Variants in FBXO15 observed in about 807,000 individuals in gnomAD.
FBXO15 encodes F-box protein 15, also known as F-box only protein 15.
FBXO15 carries 30 observed loss-of-function variants against 49.5 expected under a neutral mutation model. The ratio of observed to expected loss-of-function variants is 0.61; its 90% CI spans 0.45 to 0.82. The LOEUF is 0.82. Among genes scored for constraint, FBXO15 ranks in the 40% least tolerant of loss-of-function variants. FBXO15 has a pLI of 0.00. For synonymous variants in FBXO15, 250 were observed against 232.7 expected (o/e 1.07, Z -0.68); for missense variants, 591 against 631.5 (o/e 0.94, Z 0.69).
rs116943829 is a variant in FBXO15 at position 74,127,882 on chromosome 18, T to C, written c.785+1523A>G. Among the ~76,000 whole-genome samples the C allele has an allele frequency of 2.8e-3, 424 of 152,360 alleles. 1 individual carries two copies. Among genetic ancestry groups the C allele is most frequent in the Non-Finnish European group, 3.9e-3 (267 of 68,038 alleles). On this transcript the variant is annotated intron_variant, in intron 5 of 9. Transcript: ENST00000419743. The stretch of plus-strand genomic sequence containing the variant: ...CTTAATTCTTCAGGATCATTTGAAT[T>C]AATGTTAGCCAGTTTGTCCTAATAT...
intron 1 of FBXO15, 140 bp from the exon 2 acceptor site, chr18:74,140,452 G>A (rs1257699000): frequency 2.7e-6 from 2 of 733,482 alleles, no homozygotes; most frequent in East Asian, 3.0e-5. Context: ...AGAAAAAAAG[G>A]AAGGGAAGAA....
intron 8 of FBXO15, among the ~76,000 whole-genome samples, chr18:74,111,217 G>A (rs1914013799): frequency 6.9e-6 from 1 of 144,290 alleles, no homozygotes. Context: ...TATAATCCCA[G>A]CACTTGGGAG....
intron 8 of FBXO15, among the ~76,000 whole-genome samples, chr18:74,092,011 G>T (rs556446648): frequency 1.3e-5 from 2 of 152,194 alleles, no homozygotes; most frequent in East Asian, 3.9e-4. Flanking sequence ...TGTCTTTCAG[G>T]GAGGCCGATG....
Position 74,073,738 on chromosome 18 carries a change from A to G in FBXO15, c.1264-8T>C. The G allele has an allele frequency of 6.2e-7, 1 of 1,602,934 alleles. No individual in the cohort carries two copies. The highest frequency in any genetic ancestry group is 8.5e-7 in the Non-Finnish European group (1 of 1,173,986). ...GTCCATCATGGAACAACTCTGCAAA[A>G]TAAACACAGATTGACAAGGATAAAA... On this transcript the variant is annotated splice_region_variant and splice_polypyrimidine_tract_variant and intron_variant, in intron 9 of 9. Transcript: ENST00000419743.
chr18:74,146,963 A>G (rs1979460921), intron 1 of FBXO15: 1 of 152,220 alleles, frequency 6.6e-6, no homozygotes, highest in African/African-American at 2.4e-5. Context: ...CTCCATCTGT[A>G]AACTAACTGC....
At chr18:74,086,729 T>G (rs992681519) in intron 8 of FBXO15, among the ~76,000 whole-genome samples, 2 of 152,196 alleles carry the variant, frequency 1.3e-5, no homozygotes, top group Non-Finnish European at 2.9e-5. Context: ...TAGTTTTTAA[T>G]TGGTATTTTA....
At chr18:74,086,986 T>C (rs537352213) in intron 8 of FBXO15, among the ~76,000 whole-genome samples, 6 of 152,184 alleles carry the variant, frequency 3.9e-5, no homozygotes, top group African/African-American at 1.4e-4. Flanking sequence ...AAAAAGCAAG[T>C]CACATAAATT....
chr18:74,098,388 G>C (rs1447783493), intron 8 of FBXO15: 1 of 152,094 alleles, frequency 6.6e-6, no homozygotes, highest in Non-Finnish European at 1.5e-5. Flanking sequence ...AATGAGGGGG[G>C]AAATCTTCAG....
chr18:74,103,754 C>T (rs1372470632), intron 8 of FBXO15, among the ~76,000 whole-genome samples: 1 of 151,948 alleles, frequency 6.6e-6, no homozygotes, highest in Non-Finnish European at 1.5e-5. Context: ...AATTGCCATC[C>T]AAGAATATTG....
At chr18:74,102,111 A>T (rs1282934812) in intron 8 of FBXO15, among the ~76,000 whole-genome samples, 2 of 152,186 alleles carry the variant, frequency 1.3e-5, no homozygotes, top group Non-Finnish European at 2.9e-5. Context: ...AAAGATAAAT[A>T]GCTGGGACTT....
chr18:74,091,987 T>C (rs1913048095), intron 8 of FBXO15, among the ~76,000 whole-genome samples: 1 of 152,188 alleles, frequency 6.6e-6, no homozygotes, highest in Non-Finnish European at 1.5e-5. Context: ...TTCAAGGCGT[T>C]TGCTTTCTCT....
At chr18:74,131,803 A>G (rs566297558) in intron 3 of FBXO15, among the ~76,000 whole-genome samples, 1 of 152,348 alleles carries the variant, frequency 6.6e-6, no homozygotes, top group Admixed American at 6.5e-5. Context: ...GAAGCAGTCA[A>G]CGGCCTGGAG....
intron 9 of FBXO15, 30 bp from the exon 10 acceptor site, chr18:74,073,760 A>G: frequency 3.2e-6 from 5 of 1,584,750 alleles, no homozygotes; most frequent in South Asian, 1.2e-5. Flanking sequence ...TGACAAGGAT[A>G]AAAAGGCCAA....
intron 9 of FBXO15, among the ~76,000 whole-genome samples, chr18:74,078,958 A>G (rs28376671): frequency 0.26 from 40,165 of 152,132 alleles, 7,815 homozygotes; most frequent in African/African-American, 0.54. Context: ...AGTGGCCAGG[A>G]TGCCTTTCTC....
chr18:74,114,966 T>C (rs1321358046), intron 8 of FBXO15, among the ~76,000 whole-genome samples: 1 of 152,146 alleles, frequency 6.6e-6, no homozygotes, highest in East Asian at 1.9e-4. Flanking sequence ...CAGGTAGTGC[T>C]GAGAGGTCAA....
intron 8 of FBXO15, among the ~76,000 whole-genome samples, chr18:74,083,211 T>C (rs1401876354): frequency 6.6e-6 from 1 of 152,212 alleles, no homozygotes; most frequent in Non-Finnish European, 1.5e-5. Flanking sequence ...TTTTCCTCTC[T>C]AATGCTGAGT....
At chr18:74,100,559 C>T (rs1028145890) in intron 8 of FBXO15, among the ~76,000 whole-genome samples, 10 of 151,454 alleles carry the variant, frequency 6.6e-5, no homozygotes, top group African/African-American at 2.4e-4. Flanking sequence ...AGGAAATAAC[C>T]AAGATCAGAG....
At chr18:74,127,930 T>C (rs1978295433) in intron 5 of FBXO15, among the ~76,000 whole-genome samples, 1 of 152,196 alleles carries the variant, frequency 6.6e-6, no homozygotes, top group Non-Finnish European at 1.5e-5. Flanking sequence ...TTTCATGATA[T>C]GCCAAGTAAC....
intron 9 of FBXO15, among the ~76,000 whole-genome samples, chr18:74,077,173 T>G (rs565242798): frequency 2.6e-5 from 4 of 152,280 alleles, no homozygotes; most frequent in Admixed American, 2.6e-4. Flanking sequence ...CCTGGCCACC[T>G]GCATATGCAC....
Sources: allele counts gnomAD v4.1 joint callset (sites outside exome capture counted in the v4.1 genomes callset), GRCh38; gene constraint gnomAD v4.1.1; transcripts MANE v1.5; gene names NCBI Gene and HGNC (gene_info 2026-07-23, HGNC 2026-07-21).